KMT2C: variants seen among roughly 807,000 people sequenced by gnomAD.
The protein encoded by KMT2C is lysine methyltransferase 2C.
In KMT2C, 88 loss-of-function variants were observed where a neutral mutation model predicts 507.9. The ratio of observed to expected loss-of-function variants is 0.17; its 90% CI spans 0.15 to 0.21. The LOEUF (loss-of-function observed/expected upper bound fraction) is 0.21. Among genes scored for constraint, KMT2C ranks in the 10% least tolerant of loss-of-function variants. The pLI, the probability that KMT2C is intolerant of heterozygous loss-of-function variation, is 1.00. For missense variants in KMT2C, 4,954 were observed against 5,957.8 expected, an observed-to-expected ratio of 0.83 and a Z score of 5.55; for synonymous variants, 2,049 against 2,080.8, an observed-to-expected ratio of 0.98 and a Z score of 0.42.
intron 3 of KMT2C, among the ~76,000 whole-genome samples, chr7:152,320,165 C>G (rs2096759890): frequency 6.6e-6 from 1 of 152,174 alleles, no homozygotes; most frequent in African/African-American, 2.4e-5. Context: ...TGTCTCCCAT[C>G]CCCAAAATAT....
At chr7:152,263,517 C>T (rs76820725) in intron 8 of KMT2C, among the ~76,000 whole-genome samples, 2 of 152,074 alleles carry the variant, frequency 1.3e-5, no homozygotes, top group African/African-American at 2.4e-5. Context: ...TGTCGTATAA[C>T]GTAAAGAGGA....
intron 23 of KMT2C, among the ~76,000 whole-genome samples, chr7:152,211,797 C>T (rs1419603380): frequency 6.6e-6 from 1 of 152,158 alleles, no homozygotes; most frequent in African/African-American, 2.4e-5. Context: ...GCCTGTAATC[C>T]CAGCACCTTG....
chr7:152,156,429 T>C (rs1395861019), intron 44 of KMT2C, 83 bp from the exon 45 acceptor site: 1 of 1,533,606 alleles, frequency 6.5e-7, no homozygotes, highest in Admixed American at 1.9e-5. Flanking sequence ...TGTGAATTTT[T>C]TGCACATAGA....
chr7:152,162,471 T>C lies in KMT2C; in HGVS notation c.11106A>G (p.Ser3702=), dbSNP rs760994847. 1 of 1,614,300 alleles carries C rather than the reference T, an allele frequency of 6.2e-7. No homozygotes were observed. The highest frequency in any genetic ancestry group is 1.1e-5 in the South Asian group (1 of 91,092). ...ATPNQQTYAN[S]EVDKLSMETP... is the part of the protein sequence containing the mutation. Reference sequence around the variant, plus strand: ...TTTCCATGGAGAGCTTGTCTACTTCTGAATTTGCATACGTCTGTTGATTTG... The same window carrying C: ...TTTCCATGGAGAGCTTGTCTACTTCCGAATTTGCATACGTCTGTTGATTTG... Residue 3702 remains serine (S), a synonymous_variant, in exon 43 of 59, where the codon TCA becomes TCG. Coordinates refer to ENST00000262189, the MANE Select transcript of KMT2C (RefSeq NM_170606.3).
chr7:152,267,415 A>G (rs2095875701), intron 7 of KMT2C, among the ~76,000 whole-genome samples: 1 of 152,204 alleles, frequency 6.6e-6, no homozygotes, highest in Admixed American at 6.5e-5. Flanking sequence ...CCTTAGTATC[A>G]CTGTTCACTC....
chr7:152,169,865 T>A (rs2092885673), intron 40 of KMT2C, among the ~76,000 whole-genome samples: 1 of 152,046 alleles, frequency 6.6e-6, no homozygotes, highest in South Asian at 2.1e-4. Flanking sequence ...AAAAAATAAA[T>A]AAAAAGTATT....
intron 42 of KMT2C, among the ~76,000 whole-genome samples, chr7:152,165,247 C>T (rs1364110722): frequency 2.0e-5 from 3 of 152,188 alleles, no homozygotes; most frequent in African/African-American, 7.2e-5. Flanking sequence ...CTTTTTAAAA[C>T]ATTACCATCA....
chr7:152,180,602 G>A, intron 36 of KMT2C, 109 bp downstream of exon 36: 1 of 843,774 alleles, frequency 1.2e-6, no homozygotes, highest in Non-Finnish European at 1.8e-6. Context: ...AAACTCTACA[G>A]AATAAAAAAA....
intron 3 of KMT2C, among the ~76,000 whole-genome samples, chr7:152,319,973 C>T (rs941046665): frequency 1.3e-5 from 2 of 151,980 alleles, no homozygotes; most frequent in Admixed American, 1.3e-4. Context: ...TACATATCTG[C>T]GCAGCCTGGC....
Position 152,391,245 on chromosome 7 carries a change from G to C in KMT2C, c.162-32570C>G, listed in dbSNP as rs2097494673. ...TTTTGTCGTTGTTTGTTTTTTGTTT[G>C]TTTTTTTGTTTTTGAGACAGTCTTG... is the stretch of plus-strand genomic sequence containing the variant. On this transcript the variant is annotated intron_variant, in intron 1 of 58. Transcript: ENST00000262189. 3.1e-5 allele frequency among the ~76,000 whole-genome samples: 4 copies of C among 127,588 alleles called. No homozygotes were observed. The South Asian group carries it at 1.1e-3, about 36-fold the overall frequency. 83.7% of individuals were successfully genotyped at this position (127,588 alleles called of 152,430 possible).
chr7:152,145,349 C>T, intron 53 of KMT2C, 54 bp from the exon 54 acceptor site: 1 of 1,563,640 alleles, frequency 6.4e-7, no homozygotes, highest in Non-Finnish European at 8.7e-7. Flanking sequence ...AGACTACAGA[C>T]AATCTCAAGC....
intron 26 of KMT2C, 55 bp from the exon 27 acceptor site, chr7:152,199,514 G>C (rs2129133298): frequency 3.6e-6 from 4 of 1,116,092 alleles, no homozygotes; most frequent in Non-Finnish European, 5.0e-6. Context: ...AAAGACAATA[G>C]ATTATTCTGT....
chr7:152,416,010 A>G, intron 1 of KMT2C, among the ~76,000 whole-genome samples: 1 of 152,214 alleles, frequency 6.6e-6, no homozygotes, highest in Non-Finnish European at 1.5e-5. Flanking sequence ...AAGGTTTGAT[A>G]AAACTAGACC....
chr7:152,371,593 A>AT (rs34576588), intron 1 of KMT2C, among the ~76,000 whole-genome samples: 15,075 of 150,158 alleles, frequency 0.1, 1,731 homozygotes, highest in African/African-American at 0.28. Context: ...TGGCTGAGTG[A>AT]TTTTTTTTTT....
chr7:152,237,614 C>T (rs1299686888), intron 15 of KMT2C, among the ~76,000 whole-genome samples: 1 of 152,194 alleles, frequency 6.6e-6, no homozygotes, highest in Non-Finnish European at 1.5e-5. Flanking sequence ...TCTCCTGCCT[C>T]AGCCTCCCTA....
At chr7:152,151,329 T>G in intron 50 of KMT2C, 113 bp downstream of exon 50, 1 of 1,098,676 alleles carries the variant, frequency 9.1e-7, no homozygotes, top group Admixed American at 2.3e-5. Context: ...ACCAGGAACA[T>G]GTGTCCATCA....
chr7:152,135,989 C>T lies in KMT2C; in HGVS notation c.*843G>A. On this transcript the variant is annotated 3_prime_UTR_variant, in exon 59 of 59. Coordinates refer to ENST00000262189, the MANE Select transcript of KMT2C (RefSeq NM_170606.3). ...AACATCCCTATGAACATTTTATAAG[C>T]CCCCGAGCTGCTGCAGAGCCTGGTA... 1 of 226,024 alleles carries T rather than the reference C, an allele frequency of 4.4e-6. No homozygotes were observed. Among genetic ancestry groups the T allele is most frequent in the Non-Finnish European group, 8.8e-6 (1 of 113,428 alleles). The allele number at this position is 226,024 out of a possible 1,614,324, so 14.0% of individuals were successfully genotyped here. A position where few individuals can be genotyped will look rare whatever the true frequency, so the allele number is the denominator to read the frequency against.
chr7:152,389,529 AC>A (rs2097471597), intron 1 of KMT2C, among the ~76,000 whole-genome samples: 1 of 151,708 alleles, frequency 6.6e-6, no homozygotes, highest in South Asian at 2.1e-4. Flanking sequence ...ATCACAGCTT[AC>A]TGCAGCCTCG....
chr7:152,351,606 C>T (rs79873982), intron 2 of KMT2C, among the ~76,000 whole-genome samples: 2 of 152,116 alleles, frequency 1.3e-5, no homozygotes, highest in South Asian at 4.2e-4. Context: ...GTCAGGGACC[C>T]CAAACTGAGG....
Sources: gnomAD v4.1 joint callset for allele counts (sites outside exome capture counted in the v4.1 genomes callset) on GRCh38, gnomAD v4.1.1 for gene constraint, MANE v1.5 for transcripts, NCBI Gene and HGNC (gene_info 2026-07-23, HGNC 2026-07-21) for gene names.